Variants in ADCY2 observed in about 807,000 individuals in gnomAD.
The protein encoded by ADCY2 is adenylate cyclase type 2.
ADCY2 carries 31 observed loss-of-function variants against 125.2 expected under a neutral mutation model. The observed-to-expected ratio is 0.25, with a 90% CI of 0.19 to 0.33. The LOEUF is 0.33. Among genes scored for constraint, ADCY2 ranks in the 10% least tolerant of loss-of-function variants. The probability of loss-of-function intolerance (pLI) is 1.00; values close to 1 mark genes in which losing one functional copy is unlikely to be tolerated. For missense variants in ADCY2, 904 were observed against 1,418.2 expected (o/e 0.64, Z 5.82); for synonymous variants, 512 against 548.4 (o/e 0.93, Z 0.93).
intron 2 of ADCY2, among the ~76,000 whole-genome samples, chr5:7,464,995 AG>A (rs1304418449): frequency 1.3e-5 from 2 of 152,304 alleles, no homozygotes; most frequent in East Asian, 3.9e-4. Flanking sequence ...ACATGGCAGC[AG>A]GCAAGAGAGA....
intron 4 of ADCY2, among the ~76,000 whole-genome samples, chr5:7,670,842 C>T (rs1739909595): frequency 3.9e-5 from 6 of 152,314 alleles, no homozygotes; most frequent in Admixed American, 3.9e-4. Context: ...CTCACTAACC[C>T]ACCACTCACC....
At chr5:7,778,745 G>A (rs1032678002) in intron 18 of ADCY2, among the ~76,000 whole-genome samples, 6 of 152,058 alleles carry the variant, frequency 3.9e-5, no homozygotes, top group Admixed American at 6.6e-5. Flanking sequence ...AGGATATTGC[G>A]ATGTATTTTC....
At chr5:7,573,372 G>A (rs576055003) in intron 3 of ADCY2, among the ~76,000 whole-genome samples, 1 of 152,258 alleles carries the variant, frequency 6.6e-6, no homozygotes, top group South Asian at 2.1e-4. Context: ...GCGAAGGATT[G>A]AAGGTGTTTT....
At chr5:7,414,866 T>G in intron 2 of ADCY2, 96 bp downstream of exon 2, 3 of 1,014,420 alleles carry the variant, frequency 3.0e-6, no homozygotes, top group Non-Finnish European at 4.2e-6. Context: ...TGAAGAGGAG[T>G]CCTATAACTG....
chr5:7,603,815 G>GTTTTTTTTT (rs1277338369), intron 3 of ADCY2, among the ~76,000 whole-genome samples: 2 of 68,456 alleles, frequency 2.9e-5, no homozygotes, highest in African/African-American at 1.1e-4. Flanking sequence ...TTTTTCTTTT[G>GTTTTTTTTT]TTTTTTTTTT....
At chr5:7,424,683 T>C (rs1330059977) in intron 2 of ADCY2, among the ~76,000 whole-genome samples, 1 of 152,226 alleles carries the variant, frequency 6.6e-6, no homozygotes, top group Non-Finnish European at 1.5e-5. Flanking sequence ...CCAGATGATA[T>C]TTCCATTTGG....
chr5:7,675,278 ATATCTT>A (rs905674741), intron 4 of ADCY2, among the ~76,000 whole-genome samples: 3 of 152,208 alleles, frequency 2.0e-5, no homozygotes, highest in Non-Finnish European at 2.9e-5. Flanking sequence ...ACCCGTATTC[ATATCTT>A]TATGGTTATC....
intron 4 of ADCY2, among the ~76,000 whole-genome samples, chr5:7,673,358 G>A (rs1214941105): frequency 6.9e-6 from 1 of 144,134 alleles, no homozygotes; most frequent in Non-Finnish European, 1.5e-5. Flanking sequence ...AGAATCACCT[G>A]AGCTCGGAGG....
chr5:7,759,489 T>C (rs529471454), intron 16 of ADCY2, among the ~76,000 whole-genome samples: 1 of 152,204 alleles, frequency 6.6e-6, no homozygotes, highest in Admixed American at 6.5e-5. Flanking sequence ...TGTGGAGAGG[T>C]CCTGACAGGC....
chr5:7,522,234 T>G (rs1744469967), intron 3 of ADCY2: 1 of 152,216 alleles, frequency 6.6e-6, no homozygotes, highest in Admixed American at 6.5e-5. Flanking sequence ...GTTGTCACAT[T>G]TAGATTAATG....
chr5:7,694,469 C>T (rs983113892), intron 5 of ADCY2, among the ~76,000 whole-genome samples: 4 of 152,140 alleles, frequency 2.6e-5, no homozygotes, highest in Non-Finnish European at 4.4e-5. Flanking sequence ...CCCAGGAAAC[C>T]GCCATTCTAG....
At chr5:7,815,727 C>T (rs1446195728) in intron 22 of ADCY2, among the ~76,000 whole-genome samples, 1 of 152,214 alleles carries the variant, frequency 6.6e-6, no homozygotes, top group East Asian at 1.9e-4. Flanking sequence ...CAGGACTTCT[C>T]TCCTTCAGCT....
At chr5:7,452,728 G>A (rs1328372908) in intron 2 of ADCY2, among the ~76,000 whole-genome samples, 2 of 152,192 alleles carry the variant, frequency 1.3e-5, no homozygotes, top group Non-Finnish European at 2.9e-5. Flanking sequence ...CAGTGAATAA[G>A]TGTTCCCTTT....
At position 7,654,221 on chromosome 5, in the gene ADCY2, C is replaced by G. The variant is rs568350902; in HGVS notation, c.720+27905C>G. The G allele has an allele frequency of 6.7e-5, 30 of 451,018 alleles. No individual in the cohort carries two copies. In the East Asian group the frequency reaches 1.5e-3, roughly 23 times the overall value. 27.9% of individuals were successfully genotyped at this position (451,018 alleles called of 1,614,324 possible). On this transcript the variant is annotated intron_variant, in intron 4 of 24. Coordinates refer to ENST00000338316, the MANE Select transcript of ADCY2 (RefSeq NM_020546.3). ...GGTGAGCATGGTGTCTAGACAGAGA[C>G]AGCCCAGTAGACAGGGTTTCAGGAA...
chr5:7,410,536 A>C (rs1311672072), intron 1 of ADCY2, among the ~76,000 whole-genome samples: 1 of 152,170 alleles, frequency 6.6e-6, no homozygotes, highest in Non-Finnish European at 1.5e-5. Context: ...GAGTGGAAGG[A>C]ACCCATAATC....
At chr5:7,405,916 T>C (rs1739471175) in intron 1 of ADCY2, among the ~76,000 whole-genome samples, 1 of 152,206 alleles carries the variant, frequency 6.6e-6, no homozygotes, top group African/African-American at 2.4e-5. Flanking sequence ...TGGAGTGCTG[T>C]GGCACGATCT....
chr5:7,811,808 A>G (rs988934124), intron 22 of ADCY2, among the ~76,000 whole-genome samples: 4 of 152,080 alleles, frequency 2.6e-5, no homozygotes, highest in African/African-American at 7.2e-5. Context: ...CTCCTAGTCT[A>G]TTGGCAAAAC....
intron 2 of ADCY2, among the ~76,000 whole-genome samples, chr5:7,456,760 C>G (rs1741687468): frequency 6.6e-6 from 1 of 152,248 alleles, no homozygotes; most frequent in African/African-American, 2.4e-5. Context: ...GTTTAATGTT[C>G]ATGTTGCCCA....
chr5:7,544,224 G>A (rs534668836), intron 3 of ADCY2, among the ~76,000 whole-genome samples: 1 of 152,206 alleles, frequency 6.6e-6, no homozygotes, highest in African/African-American at 2.4e-5. Flanking sequence ...AGGCCAGCAG[G>A]CAGCATTGGT....
Sources: gnomAD v4.1 joint callset for allele counts (sites outside exome capture counted in the v4.1 genomes callset) on GRCh38, gnomAD v4.1.1 for gene constraint, MANE v1.5 for transcripts, NCBI Gene and HGNC (gene_info 2026-07-23, HGNC 2026-07-21) for gene names.